RP1L1: variants seen among roughly 807,000 people sequenced by gnomAD.
RP1L1 encodes RP1 like 1, also known as retinitis pigmentosa 1-like 1 protein.
In RP1L1, 27 loss-of-function variants were observed where a neutral mutation model predicts 15.7. The observed-to-expected ratio is 1.72, with a 90% CI of 1.27 to 2.38. RP1L1 has a LOEUF of 2.38. Ranked by LOEUF, RP1L1 falls within the 30% of genes most tolerant of loss-of-function variation. The pLI is 0.00. For synonymous variants in RP1L1, 1,813 were observed against 1,276.7 expected, an observed-to-expected ratio of 1.42 and a Z score of -8.96; for missense variants, 4,798 against 3,075.9, an observed-to-expected ratio of 1.56 and a Z score of -13.24.
At position 10,609,558 on chromosome 8, in the gene RP1L1, A is replaced by G; in HGVS notation, c.4540T>C (p.Cys1514Arg). The change falls in exon 4 of 4, where the codon TGC becomes CGC. Residue 1514 changes from cysteine (C) to arginine (R), a missense_variant. Physicochemically the swap from Cys to Arg is radical, Grantham distance 180. Transcript: ENST00000382483. Reference sequence around the variant, plus strand: ...AACACGGACACCCAGATGGGGTCGCAGTCCAGAGCCGCGCTGCAGGCCACC... The same window carrying G: ...AACACGGACACCCAGATGGGGTCGCGGTCCAGAGCCGCGCTGCAGGCCACC... Reference protein sequence around the residue: ...SSVACSAALDCDPIWVSVLLK... With the variant: ...SSVACSAALDRDPIWVSVLLK... The G allele has an allele frequency of 6.2e-7, 1 of 1,603,076 alleles. No homozygotes were observed. The highest frequency in any genetic ancestry group is 8.5e-7 in the Non-Finnish European group (1 of 1,176,192).
Position 10,607,146 on chromosome 8 carries a change from G to A in RP1L1, c.6952C>T (p.His2318Tyr). Reference sequence around the variant, plus strand: ...GGGCTCCTTGTGTCTCCAAGTACATGGTCATTTTCTGAGTCTTTCTGCCAG... The same window carrying A: ...GGGCTCCTTGTGTCTCCAAGTACATAGTCATTTTCTGAGTCTTTCTGCCAG... The part of the protein sequence containing the change: ...NCWQKDSEND[H>Y]VLGDTRSPDA... The change falls in exon 4 of 4, where the codon CAT becomes TAT. Residue 2318 changes from histidine to tyrosine, a missense_variant. Physicochemically the swap from His to Tyr is moderately conservative, Grantham distance 83. Transcript: ENST00000382483. 1.4e-5 allele frequency: 23 copies of A among 1,614,206 alleles called. No individual in the cohort carries two copies. The highest frequency in any genetic ancestry group is 1.9e-5 in the Non-Finnish European group (23 of 1,180,042).
Position 10,611,203 on chromosome 8 carries a change from T to C in RP1L1, c.2895A>G (p.Pro965=), listed in dbSNP as rs764616963. Reference sequence around the variant, plus strand: ...CATATGTCATGAGTATGGGCTCTTCTGGAATGTTGTCCAGCCATTCGCGGA... The same window carrying C: ...CATATGTCATGAGTATGGGCTCTTCCGGAATGTTGTCCAGCCATTCGCGGA... ...AVVREWLDNI[P]EEPILMTYEL... is the part of the protein sequence containing the mutation. Residue 965 remains proline (P), a synonymous_variant, in exon 4 of 4, where the codon CCA becomes CCG. Coordinates refer to ENST00000382483, the MANE Select transcript of RP1L1 (RefSeq NM_178857.6). 61 of 1,612,838 alleles carry C rather than the reference T, an allele frequency of 3.8e-5. No homozygotes were observed. The highest frequency in any genetic ancestry group is 5.1e-5 in the Non-Finnish European group (60 of 1,180,018).
At position 10,622,800 on chromosome 8, in the gene RP1L1, G is replaced by A. The variant is rs1167986279; in HGVS notation, c.402C>T (p.Gly134=). 8.1e-6 allele frequency: 13 copies of A among 1,613,744 alleles called. No individual in the cohort carries two copies. Among genetic ancestry groups the A allele is most frequent in the South Asian group, 3.3e-5 (3 of 91,060 alleles). Residue 134 remains glycine (G), a synonymous_variant, in exon 2 of 4, where the codon GGC becomes GGT. Transcript: ENST00000382483. ...PTAQQLRDVE[G]QREAPGTSSS... ...AGGAGGTGCCTGGGGCTTCACGCTG[G>A]CCTTCGACATCCCGCAACTGCTGAG... is the stretch of plus-strand genomic sequence containing the variant.
intron 1 of RP1L1, among the ~76,000 whole-genome samples, chr8:10,649,284 A>C (rs1798524597): frequency 6.6e-6 from 1 of 152,172 alleles, no homozygotes. Context: ...TGGCCATTAC[A>C]GTTTCTTAGG....
intron 2 of RP1L1, among the ~76,000 whole-genome samples, chr8:10,622,266 G>T (rs1267531669): frequency 4.0e-5 from 6 of 150,016 alleles, no homozygotes; most frequent in Admixed American, 3.3e-4. Context: ...GTTGCAGTGA[G>T]CCGAGATCAT....
intron 2 of RP1L1, among the ~76,000 whole-genome samples, chr8:10,617,552 T>C (rs867292391): frequency 4.7e-5 from 5 of 105,568 alleles, no homozygotes; most frequent in African/African-American, 1.5e-4. Flanking sequence ...TTTTCTTTTT[T>C]TTTTTTTTTT....
chr8:10,647,752 C>T (rs549632644), intron 1 of RP1L1, among the ~76,000 whole-genome samples: 2 of 152,238 alleles, frequency 1.3e-5, no homozygotes, highest in South Asian at 4.1e-4. Context: ...TTGATGAATC[C>T]ATGGATTATT....
At position 10,611,679 on chromosome 8, in the gene RP1L1, C is replaced by A; in HGVS notation, c.2419G>T (p.Val807Phe). 6.2e-7 allele frequency: 1 copy of A among 1,613,426 alleles called. No homozygotes were observed. Among genetic ancestry groups the A allele is most frequent in the Non-Finnish European group, 8.5e-7 (1 of 1,180,010 alleles). Residue 807 changes from valine (V) to phenylalanine (F), a missense_variant, in exon 4 of 4, where the codon GTT becomes TTT. Coordinates refer to ENST00000382483, the MANE Select transcript of RP1L1 (RefSeq NM_178857.6). ...TGCTCAGGCCGTCCAACCTGCAGAACCAAGGGTGAGGAGGGCTGAGGCGTG... is the reference window on the plus strand; with the variant it reads ...TGCTCAGGCCGTCCAACCTGCAGAAACAAGGGTGAGGAGGGCTGAGGCGTG... Reference protein sequence around the residue: ...RDTPQPSSPLVLQVGRPEQGA... With the variant: ...RDTPQPSSPLFLQVGRPEQGA...
intron 1 of RP1L1, among the ~76,000 whole-genome samples, chr8:10,645,770 A>C (rs1798467715): frequency 6.6e-6 from 1 of 152,218 alleles, no homozygotes; most frequent in South Asian, 2.1e-4. Flanking sequence ...AAGCGAGTCC[A>C]GCCCCCCAGA....
At chr8:10,626,032 G>C (rs1443019538) in intron 1 of RP1L1, among the ~76,000 whole-genome samples, 3 of 152,128 alleles carry the variant, frequency 2.0e-5, no homozygotes, top group Non-Finnish European at 4.4e-5. Flanking sequence ...AGGAAAAACA[G>C]ATTACGGGGC....
At chr8:10,614,307 C>T (rs1797929056) in intron 3 of RP1L1, among the ~76,000 whole-genome samples, 1 of 152,134 alleles carries the variant, frequency 6.6e-6, no homozygotes, top group African/African-American at 2.4e-5. Flanking sequence ...CTAGTCAAGC[C>T]TGCACCCCAG....
At position 10,607,992 on chromosome 8, in the gene RP1L1, C is replaced by T. The variant is rs1797742020; in HGVS notation, c.6106G>A (p.Glu2036Lys). The T allele has an allele frequency of 1.2e-6, 2 of 1,612,416 alleles. No individual in the cohort carries two copies. Among genetic ancestry groups the T allele is most frequent in the Non-Finnish European group, 8.5e-7 (1 of 1,179,618 alleles). Residue 2036 changes from glutamate (E) to lysine (K), a missense_variant, in exon 4 of 4, where the codon GAG (glutamate) becomes AAG (lysine). By Grantham distance (56) the Glu-to-Lys change is moderately conservative (BLOSUM62 1). Coordinates refer to ENST00000382483, the MANE Select transcript of RP1L1 (RefSeq NM_178857.6). ...GTCTTCTGGGTCTCCCCTTCAACCTCCTGGGCCTCTTCACCTTCTGACTTT... is the reference window on the plus strand; with the variant it reads ...GTCTTCTGGGTCTCCCCTTCAACCTTCTGGGCCTCTTCACCTTCTGACTTT... The part of the protein sequence containing the change: ...QPKSEGEEAQ[E>K]VEGETQKTEG...
At position 10,631,198 on chromosome 8, in the gene RP1L1, C is replaced by CAA. The variant is rs767042277; in HGVS notation, c.-19-7980_-19-7979dup. On this transcript the variant is annotated intron_variant, in intron 1 of 3. Transcript: ENST00000382483. ...AATGTTGTCATGGCAACAGCACCTG[C>CAA]AAAAACACACACACACACACACACA... Among the ~76,000 whole-genome samples, 300 of 59,618 alleles carry CAA rather than the reference C, an allele frequency of 5.0e-3. 4 individuals carry two copies. In the South Asian group the frequency reaches 0.088, roughly 17 times the overall value. The allele number at this position is 59,618 out of a possible 152,430, so 39.1% of individuals were successfully genotyped here.
chr8:10,613,354 G>A lies in RP1L1; in HGVS notation c.752-8C>T, dbSNP rs769202830. 60 of 1,599,336 alleles carry A rather than the reference G, an allele frequency of 3.8e-5. No homozygotes were observed. The highest frequency in any genetic ancestry group is 1.6e-4 in the Middle Eastern group (1 of 6,080). On this transcript the variant is annotated splice_region_variant and splice_polypyrimidine_tract_variant and intron_variant, in intron 3 of 3. Coordinates refer to ENST00000382483, the MANE Select transcript of RP1L1 (RefSeq NM_178857.6). ...TCTTTGGCCCCCAGCTCCCTGGCAC[G>A]CAGTGAAGAGGAAAAGAAAAGAAGA...
intron 2 of RP1L1, among the ~76,000 whole-genome samples, chr8:10,618,057 G>A (rs776915852): frequency 2.1e-4 from 32 of 152,142 alleles, no homozygotes; most frequent in Non-Finnish European, 4.1e-4. Flanking sequence ...CAATGCTTGG[G>A]GATGTATTTC....
intron 1 of RP1L1, among the ~76,000 whole-genome samples, chr8:10,624,806 C>T (rs1219968646): frequency 6.6e-6 from 1 of 152,166 alleles, no homozygotes. Context: ...TTCAGTTCCA[C>T]GAGCCGACAA....
At position 10,608,318 on chromosome 8, in the gene RP1L1, G is replaced by GGGC; in HGVS notation, c.5779_5780insGCC (p.Thr1927delinsSerPro). On this transcript the variant is annotated protein_altering_variant, in exon 4 of 4. Coordinates refer to ENST00000382483, the MANE Select transcript of RP1L1 (RefSeq NM_178857.6). ...TGACTCTGGCTCGTCCTCCCCTTCA[G>GGGC]TCTCCAGGGCCTCTACACTTTCTGT... 6.2e-7 allele frequency: 1 copy of GGGC among 1,609,642 alleles called. No homozygotes were observed. Among genetic ancestry groups the GGGC allele is most frequent in the Non-Finnish European group, 8.5e-7 (1 of 1,179,180 alleles).
At chr8:10,629,945 G>A (rs752980375) in intron 1 of RP1L1, among the ~76,000 whole-genome samples, 5 of 152,136 alleles carry the variant, frequency 3.3e-5, no homozygotes, top group Non-Finnish European at 5.9e-5. Context: ...TCCACACCAC[G>A]TAGGCATCAA....
chr8:10,644,051 G>A (rs190023379), intron 1 of RP1L1, among the ~76,000 whole-genome samples: 1 of 152,124 alleles, frequency 6.6e-6, no homozygotes, highest in Admixed American at 6.5e-5. Context: ...TGGTTTGGGA[G>A]GTGAAGAAGG....
Sources: allele counts gnomAD v4.1 joint callset (sites outside exome capture counted in the v4.1 genomes callset), GRCh38; gene constraint gnomAD v4.1.1; transcripts MANE v1.5; gene names NCBI Gene and HGNC (gene_info 2026-07-23, HGNC 2026-07-21).